The following CERS6 variants were observed in gnomAD, a reference collection of about 807,000 sequenced individuals.
CERS6 encodes the protein LAG1 homolog, ceramide synthase 6.
CERS6 carries 26 observed loss-of-function variants against 56.8 expected under a neutral mutation model. The ratio of observed to expected loss-of-function variants is 0.46; its 90% CI spans 0.34 to 0.63. The LOEUF (loss-of-function observed/expected upper bound fraction) is 0.63. Ranked by LOEUF, CERS6 falls within the 30% of genes least tolerant of loss-of-function variation. The pLI, the probability that CERS6 is intolerant of heterozygous loss-of-function variation, is 0.01. For missense variants in CERS6, 415 were observed against 467.5 expected (o/e 0.89, Z 1.04); for synonymous variants, 164 against 173.3 (o/e 0.95, Z 0.42).
chr2:168,649,159 G>A (rs957889155), intron 4 of CERS6, among the ~76,000 whole-genome samples: 1 of 152,162 alleles, frequency 6.6e-6, no homozygotes, highest in Admixed American at 6.6e-5. Context: ...TCAGCATACT[G>A]CCTCAAGCTG....
chr2:168,697,666 C>T (rs181311942), intron 6 of CERS6, among the ~76,000 whole-genome samples: 77 of 152,014 alleles, frequency 5.1e-4, no homozygotes, highest in African/African-American at 1.8e-3. Context: ...AAGCAGAGCC[C>T]TGTGATTCAC....
At chr2:168,582,406 T>TGCGTG (rs1683435382) in intron 3 of CERS6, among the ~76,000 whole-genome samples, 4 of 152,172 alleles carry the variant, frequency 2.6e-5, no homozygotes, top group African/African-American at 9.7e-5. Flanking sequence ...TCCTGAGAGC[T>TGCGTG]TCTTACTATC....
At chr2:168,479,874 C>T (rs1167070204) in intron 1 of CERS6, among the ~76,000 whole-genome samples, 1 of 152,196 alleles carries the variant, frequency 6.6e-6, no homozygotes, top group African/African-American at 2.4e-5. Flanking sequence ...TCCCAAAGTT[C>T]TGAGATTACA....
At chr2:168,535,615 C>T (rs1035598835) in intron 1 of CERS6, among the ~76,000 whole-genome samples, 6 of 150,092 alleles carry the variant, frequency 4.0e-5, no homozygotes, top group Admixed American at 1.3e-4. Context: ...AGCCTCAGAT[C>T]GCCACTGTTT....
chr2:168,528,430 A>G (rs1695107751), intron 1 of CERS6, among the ~76,000 whole-genome samples: 1 of 152,152 alleles, frequency 6.6e-6, no homozygotes, highest in Non-Finnish European at 1.5e-5. Context: ...CCTCTGTGAC[A>G]TCTCAGGGTT....
intron 8 of CERS6, among the ~76,000 whole-genome samples, chr2:168,750,831 TAG>T (rs1684245040): frequency 6.6e-6 from 1 of 152,330 alleles, no homozygotes; most frequent in Admixed American, 6.5e-5. Context: ...ATCAGCCAAA[TAG>T]AGTGTGCCAA....
At chr2:168,547,256 G>A (rs1695482296) in intron 1 of CERS6, among the ~76,000 whole-genome samples, 1 of 152,158 alleles carries the variant, frequency 6.6e-6, no homozygotes. Context: ...TGTAAGAAGA[G>A]TATAAGTTAT....
At position 168,577,912 on chromosome 2, in the gene CERS6, G is replaced by A. The variant is rs374880009; in HGVS notation, c.407+16590G>A. Among the ~76,000 whole-genome samples the A allele has an allele frequency of 6.1e-4, 93 of 152,304 alleles. 3 individuals are homozygous for A. The South Asian group carries it at 0.019, about 31-fold the overall frequency. On this transcript the variant is annotated intron_variant, in intron 3 of 9. Coordinates refer to ENST00000305747, the MANE Select transcript of CERS6 (RefSeq NM_203463.3). ...CATGTGGGTGGCAGATAGTGAGGGC[G>A]AGGGACACAAGTACATTGTCGTTTC...
chr2:168,738,741 C>G (rs778146690), intron 8 of CERS6, among the ~76,000 whole-genome samples: 1 of 152,188 alleles, frequency 6.6e-6, no homozygotes, highest in Non-Finnish European at 1.5e-5. Flanking sequence ...GGCTAACCAA[C>G]AGGGATACAA....
chr2:168,645,542 A>G (rs1354956826), intron 4 of CERS6, among the ~76,000 whole-genome samples: 1 of 152,156 alleles, frequency 6.6e-6, no homozygotes, highest in African/African-American at 2.4e-5. Context: ...AAAATCTTTT[A>G]ACTTATATTT....
chr2:168,739,683 T>C (rs1335033409), intron 8 of CERS6, among the ~76,000 whole-genome samples: 1 of 152,250 alleles, frequency 6.6e-6, no homozygotes, highest in Middle Eastern at 3.4e-3. Flanking sequence ...GCATAAATAG[T>C]GGAATCCTCA....
intron 8 of CERS6, among the ~76,000 whole-genome samples, chr2:168,741,193 G>A (rs896034235): frequency 6.6e-6 from 1 of 152,092 alleles, no homozygotes; most frequent in Non-Finnish European, 1.5e-5. Context: ...TTACTGAGCT[G>A]CAAAATTGGG....
chr2:168,566,070 A>T (rs1041962982), intron 3 of CERS6, among the ~76,000 whole-genome samples: 6 of 152,170 alleles, frequency 3.9e-5, no homozygotes, highest in Non-Finnish European at 7.4e-5. Flanking sequence ...CAGAGATAAG[A>T]TGTCAGAATA....
At chr2:168,558,657 C>T (rs1695727145) in intron 2 of CERS6, among the ~76,000 whole-genome samples, 1 of 152,184 alleles carries the variant, frequency 6.6e-6, no homozygotes, top group South Asian at 2.1e-4. Flanking sequence ...ATCACAAGGT[C>T]AGGAGATCGA....
Position 168,485,478 on chromosome 2 carries a change from C to G in CERS6, c.170+28860C>G, listed in dbSNP as rs370561961. Among the ~76,000 whole-genome samples, 223 of 152,266 alleles carry G rather than the reference C, an allele frequency of 1.5e-3. No homozygotes were observed. The Middle Eastern group carries it at 0.017, about 12-fold the overall frequency. On this transcript the variant is annotated intron_variant, in intron 1 of 9. Transcript: ENST00000305747. The stretch of plus-strand genomic sequence containing the variant: ...ATAGTTCTACTGCCCTAAAAACCTT[C>G]TGTTCTCCATCTATTTATCCCTTTA...
At chr2:168,758,547 A>G (rs561983070) in intron 8 of CERS6, among the ~76,000 whole-genome samples, 2 of 152,238 alleles carry the variant, frequency 1.3e-5, no homozygotes, top group African/African-American at 2.4e-5. Context: ...GCCAAGGGCC[A>G]TGGTATCATC....
intron 1 of CERS6, among the ~76,000 whole-genome samples, chr2:168,516,900 G>A (rs1454123899): frequency 2.6e-5 from 4 of 152,010 alleles, no homozygotes; most frequent in East Asian, 3.9e-4. Flanking sequence ...TTTTAGTTTT[G>A]CACTCTTGAT....
chr2:168,626,343 G>A (rs1034105423), intron 3 of CERS6, among the ~76,000 whole-genome samples: 8 of 152,258 alleles, frequency 5.3e-5, no homozygotes, highest in Non-Finnish European at 7.4e-5. Context: ...GGTGGTGGCT[G>A]CTCTGGATGA....
At chr2:168,555,257 G>A (rs1695654166) in intron 2 of CERS6, among the ~76,000 whole-genome samples, 2 of 151,918 alleles carry the variant, frequency 1.3e-5, no homozygotes, top group Non-Finnish European at 2.9e-5. Flanking sequence ...TCTTCCTCCT[G>A]AAAATTTATA....
Sources: allele counts gnomAD v4.1 joint callset (sites outside exome capture counted in the v4.1 genomes callset), GRCh38; gene constraint gnomAD v4.1.1; transcripts MANE v1.5; gene names NCBI Gene and HGNC (gene_info 2026-07-23, HGNC 2026-07-21).